Variants in ATP6V0A2 observed in about 807,000 individuals in gnomAD.
ATP6V0A2 encodes the protein V-type proton ATPase 116 kDa subunit a 2.
ATP6V0A2 carries 58 observed loss-of-function variants against 104.4 expected under a neutral mutation model. The observed-to-expected ratio is 0.56, with a 90% CI of 0.45 to 0.69. The LOEUF (loss-of-function observed/expected upper bound fraction) is 0.69, where lower values mean the gene tolerates loss of function less well. Among genes scored for constraint, ATP6V0A2 ranks in the 30% least tolerant of loss-of-function variants. The pLI is 0.00. For synonymous variants in ATP6V0A2, 376 were observed against 397.9 expected, an observed-to-expected ratio of 0.95 and a Z score of 0.65; for missense variants, 938 against 1,062.9, an observed-to-expected ratio of 0.88 and a Z score of 1.63.
chr12:123,747,775 T>G (rs1956676419), intron 14 of ATP6V0A2, 50 bp downstream of exon 14: 1 of 1,263,674 alleles, frequency 7.9e-7, no homozygotes, highest in Non-Finnish European at 1.2e-6. Flanking sequence ...AACTTGGCAT[T>G]TCTTCAATTT....
intron 9 of ATP6V0A2, among the ~76,000 whole-genome samples, chr12:123,742,131 C>T (rs1426401639): frequency 6.6e-6 from 1 of 152,342 alleles, no homozygotes; most frequent in Non-Finnish European, 1.5e-5. Flanking sequence ...CTGCCCTGCC[C>T]CAACCCCTGC....
rs750982622 is a variant in ATP6V0A2 at position 123,751,107 on chromosome 12, C to T, written c.1936-3C>T. On this transcript the variant is annotated splice_region_variant and splice_polypyrimidine_tract_variant and intron_variant, in intron 15 of 19. Transcript: ENST00000330342. ...TCGGGTTTCTCACCTTCTGCACTAA[C>T]AGGAGTATGTCCAGAGAGTGCTGCT... The T allele has an allele frequency of 1.9e-6, 3 of 1,614,172 alleles. No homozygotes were observed. In the Admixed American group the frequency reaches 5.0e-5, roughly 27 times the overall value.
Position 123,757,908 on chromosome 12 carries a change from T to TG in ATP6V0A2, c.2466-17dup. ...GATTTCATAATCTTCCATTAATACA[T>TG]GGCTTTTTTTTTTTTTAGGGTAGAA... is the stretch of plus-strand genomic sequence containing the variant. On this transcript the variant is annotated intron_variant, in intron 19 of 19. Transcript: ENST00000330342. 2.0e-6 allele frequency: 3 copies of TG among 1,474,290 alleles called. No homozygotes were observed. Among genetic ancestry groups the TG allele is most frequent in the Non-Finnish European group, 2.8e-6 (3 of 1,069,030 alleles). The allele number at this position is 1,474,290 out of a possible 1,614,324, so 91.3% of individuals were successfully genotyped here. A position where few individuals can be genotyped will look rare whatever the true frequency, so the allele number is the denominator to read the frequency against.
chr12:123,720,193 T>A (rs996808712), intron 2 of ATP6V0A2, among the ~76,000 whole-genome samples: 6 of 152,082 alleles, frequency 3.9e-5, no homozygotes, highest in African/African-American at 1.4e-4. Context: ...TAACAGGAAA[T>A]TTTAGTCATT....
chr12:123,726,076 T>G, intron 4 of ATP6V0A2, 121 bp from the exon 5 acceptor site: 1 of 735,308 alleles, frequency 1.4e-6, no homozygotes, highest in Non-Finnish European at 2.4e-6. Context: ...ACCTCAGAAG[T>G]CTTTGCACCC....
chr12:123,717,899 G>GCA lies in ATP6V0A2; in HGVS notation c.118-724_118-723insCA, dbSNP rs1956359957. 3.3e-5 allele frequency among the ~76,000 whole-genome samples: 5 copies of GCA among 151,818 alleles called. No homozygotes were observed. The South Asian group carries it at 6.2e-4, about 19-fold the overall frequency. ...CCTTAGGTTAAATTTTCTTCATGGG[G>GCA]TATTGCTGGGCAAATAATCATTTTC... On this transcript the variant is annotated intron_variant, in intron 1 of 19. Transcript: ENST00000330342.
Position 123,758,085 on chromosome 12 carries a change from T to C in ATP6V0A2, c.*53T>C. 4 of 1,284,438 alleles carry C rather than the reference T, an allele frequency of 3.1e-6. No homozygotes were observed. Among genetic ancestry groups the C allele is most frequent in the African/African-American group, 1.5e-5 (1 of 68,622 alleles). 79.6% of individuals were successfully genotyped at this position (1,284,438 alleles called of 1,614,324 possible). Reference sequence around the variant, plus strand: ...AGATTTATGGAGAATGACCATGTTATAGACTTTCACTTATGTCAGATTTAT... The same window carrying C: ...AGATTTATGGAGAATGACCATGTTACAGACTTTCACTTATGTCAGATTTAT... On this transcript the variant is annotated 3_prime_UTR_variant, in exon 20 of 20. Coordinates refer to ENST00000330342, the MANE Select transcript of ATP6V0A2 (RefSeq NM_012463.4).
rs1462386708 is a variant in ATP6V0A2, at chr12:123,718,811, A to G, written c.196+110A>G. 8.1e-6 allele frequency: 6 copies of G among 736,320 alleles called. No homozygotes were observed. The Middle Eastern group carries it at 1.2e-3, about 150-fold the overall frequency. The allele number at this position is 736,320 out of a possible 1,614,324, so 45.6% of individuals were successfully genotyped here. ...AGACAAGCAGAAAGGAAAAAAAGAA[A>G]TTGTATTCTCATTCAGAAGTAATCA... On this transcript the variant is annotated intron_variant, in intron 2 of 19. Coordinates refer to ENST00000330342, the MANE Select transcript of ATP6V0A2 (RefSeq NM_012463.4).
At chr12:123,740,063 C>T (rs1379800627) in intron 9 of ATP6V0A2, among the ~76,000 whole-genome samples, 5 of 151,822 alleles carry the variant, frequency 3.3e-5, no homozygotes, top group African/African-American at 2.4e-5. Context: ...CTCTGGAGGC[C>T]GGGGTGGGAG....
chr12:123,734,496 T>G (rs1445161165), intron 7 of ATP6V0A2, among the ~76,000 whole-genome samples: 1 of 152,202 alleles, frequency 6.6e-6, no homozygotes, highest in Non-Finnish European at 1.5e-5. Flanking sequence ...AAGCCTCAGT[T>G]TCTTCATCTG....
intron 1 of ATP6V0A2, among the ~76,000 whole-genome samples, chr12:123,716,312 C>G (rs980561331): frequency 2.0e-5 from 3 of 152,120 alleles, no homozygotes; most frequent in Non-Finnish European, 4.4e-5. Context: ...AGTCATCCCC[C>G]CACCTTGGCC....
At chr12:123,720,062 C>T (rs779966822) in intron 2 of ATP6V0A2, among the ~76,000 whole-genome samples, 1 of 152,138 alleles carries the variant, frequency 6.6e-6, no homozygotes, top group Admixed American at 6.5e-5. Flanking sequence ...TCCTTTCTCT[C>T]GGCTGACCTT....
At chr12:123,741,754 A>T (rs1184702973) in intron 9 of ATP6V0A2, among the ~76,000 whole-genome samples, 2 of 152,134 alleles carry the variant, frequency 1.3e-5, no homozygotes, top group Non-Finnish European at 2.9e-5. Context: ...ATGAGCCACC[A>T]TGCCTGTCCT....
intron 6 of ATP6V0A2, chr12:123,731,140 A>C (rs1956498267): frequency 6.6e-6 from 1 of 152,264 alleles, no homozygotes; most frequent in Non-Finnish European, 1.5e-5. Flanking sequence ...TGTCCATTAT[A>C]GAAAATTGGG....
rs1457015018 is a variant in ATP6V0A2 at position 123,759,152 on chromosome 12, G to A, written c.*1120G>A. The A allele has an allele frequency of 6.6e-6, 1 of 152,480 alleles. No homozygotes were observed. The highest frequency in any genetic ancestry group is 2.4e-5 in the African/African-American group (1 of 41,386). 9.4% of individuals were successfully genotyped at this position (152,480 alleles called of 1,614,324 possible). A position where few individuals can be genotyped will look rare whatever the true frequency, so the allele number is the denominator to read the frequency against. Reference sequence around the variant, plus strand: ...AGGGTTTATACTGAGTGAAGGAAAGGTAAAAAGTAGTATTTTGTATATTTT... The same window carrying A: ...AGGGTTTATACTGAGTGAAGGAAAGATAAAAAGTAGTATTTTGTATATTTT... On this transcript the variant is annotated 3_prime_UTR_variant, in exon 20 of 20. Transcript: ENST00000330342.
intron 1 of ATP6V0A2, among the ~76,000 whole-genome samples, chr12:123,712,968 A>G (rs1956307252): frequency 6.6e-6 from 1 of 152,166 alleles, no homozygotes; most frequent in Non-Finnish European, 1.5e-5. Flanking sequence ...GCGGGAGAAC[A>G]AATCCCACAA....
intron 8 of ATP6V0A2, 118 bp from the exon 9 acceptor site, chr12:123,736,941 G>A (rs1198539529): frequency 4.0e-6 from 4 of 997,412 alleles, no homozygotes; most frequent in Non-Finnish European, 6.3e-6. Context: ...AGGATAGGCA[G>A]GTGCCTGGAA....
At chr12:123,752,483 A>G (rs914506059) in intron 17 of ATP6V0A2, 81 bp downstream of exon 17, 1 of 1,540,926 alleles carries the variant, frequency 6.5e-7, no homozygotes, top group Non-Finnish European at 8.9e-7. Flanking sequence ...GATAATATTT[A>G]ATCATCTTAA....
At chr12:123,746,552 A>T (rs1566288610) in intron 13 of ATP6V0A2, among the ~76,000 whole-genome samples, 3 of 149,284 alleles carry the variant, frequency 2.0e-5, no homozygotes, top group Non-Finnish European at 3.0e-5. Context: ...TGAGGTGGGA[A>T]GATTGCTTGA....
Sources: allele counts gnomAD v4.1 joint callset (sites outside exome capture counted in the v4.1 genomes callset), GRCh38; gene constraint gnomAD v4.1.1; transcripts MANE v1.5; gene names NCBI Gene and HGNC (gene_info 2026-07-23, HGNC 2026-07-21).